ATAD2: variants seen among roughly 807,000 people sequenced by gnomAD.
ATAD2 encodes ATPase family AAA domain containing 2.
ATAD2 carries 62 observed loss-of-function variants against 168.9 expected under a neutral mutation model. That is an observed-to-expected ratio of 0.37 (90% CI 0.30 to 0.45). The LOEUF (loss-of-function observed/expected upper bound fraction) is 0.45, where lower values mean the gene tolerates loss of function less well. Among genes scored for constraint, ATAD2 ranks in the 20% least tolerant of loss-of-function variants. The probability of loss-of-function intolerance (pLI) is 1.00; values close to 1 mark genes in which losing one functional copy is unlikely to be tolerated. For missense variants in ATAD2, 1,419 were observed against 1,667.8 expected (o/e 0.85, Z 2.60); for synonymous variants, 613 against 571.6 (o/e 1.07, Z -1.03).
chr8:123,330,454 T>C (rs1330234992), intron 24 of ATAD2, among the ~76,000 whole-genome samples: 2 of 152,118 alleles, frequency 1.3e-5, no homozygotes, highest in Non-Finnish European at 2.9e-5. Flanking sequence ...AAGCTCCGCC[T>C]CCTGGTCTCA....
At chr8:123,393,549 G>C (rs553673231) in intron 1 of ATAD2, among the ~76,000 whole-genome samples, 1 of 151,800 alleles carries the variant, frequency 6.6e-6, no homozygotes, top group Non-Finnish European at 1.5e-5. Context: ...ACTGACTGTT[G>C]AGGGAAGGTG....
chr8:123,365,053 A>C (rs1828932604), intron 8 of ATAD2, among the ~76,000 whole-genome samples: 1 of 152,194 alleles, frequency 6.6e-6, no homozygotes, highest in Non-Finnish European at 1.5e-5. Context: ...AAACTCCTAG[A>C]ACTGACAAAA....
chr8:123,388,998 G>A (rs1033797088), intron 1 of ATAD2, among the ~76,000 whole-genome samples: 13 of 147,220 alleles, frequency 8.8e-5, no homozygotes, highest in Middle Eastern at 3.5e-3. Context: ...ACAGAGTCTC[G>A]CCCTGTCGCC....
intron 13 of ATAD2, 40 bp downstream of exon 13, chr8:123,356,349 A>T: frequency 6.6e-7 from 1 of 1,511,516 alleles, no homozygotes; most frequent in Non-Finnish European, 9.2e-7. Flanking sequence ...CCACTCAGGA[A>T]ATAGGAAGAA....
At chr8:123,341,474 C>CT (rs754272129) in intron 19 of ATAD2, among the ~76,000 whole-genome samples, 31 of 152,076 alleles carry the variant, frequency 2.0e-4, no homozygotes, top group Non-Finnish European at 3.7e-4. Context: ...GGCTAACAAT[C>CT]TTTTTTTTCC....
Position 123,371,029 on chromosome 8 carries a change from CTATT to C in ATAD2, c.640-43_640-40del, listed in dbSNP as rs750644095. 38 of 1,437,078 alleles carry C rather than the reference CTATT, an allele frequency of 2.6e-5. No individual in the cohort carries two copies. The Admixed American group carries it at 7.8e-4, about 29-fold the overall frequency. The allele number at this position is 1,437,078 out of a possible 1,614,324, so 89.0% of individuals were successfully genotyped here. A position where few individuals can be genotyped will look rare whatever the true frequency, so the allele number is the denominator to read the frequency against. On this transcript the variant is annotated intron_variant, in intron 5 of 27. Coordinates refer to ENST00000287394, the MANE Select transcript of ATAD2 (RefSeq NM_014109.4). ...AATAAAAGCCATTAACATTTGGAAT[CTATT>C]TATTAAAAAAATTAAGTTGGATCCT...
chr8:123,346,424 C>G (rs939403139), intron 17 of ATAD2, 152 bp from the exon 18 acceptor site: 4 of 1,007,334 alleles, frequency 4.0e-6, no homozygotes, highest in Non-Finnish European at 5.5e-6. Flanking sequence ...GAAACTGACC[C>G]CCAAAGGTTT....
At chr8:123,373,132 T>C (rs1341817593) in intron 2 of ATAD2, among the ~76,000 whole-genome samples, 1 of 151,592 alleles carries the variant, frequency 6.6e-6, no homozygotes, top group African/African-American at 2.4e-5. Flanking sequence ...GACCTCATGA[T>C]CTGCCCACCT....
chr8:123,372,353 A>G (rs187384574), intron 3 of ATAD2, among the ~76,000 whole-genome samples: 4 of 152,330 alleles, frequency 2.6e-5, no homozygotes, highest in East Asian at 1.9e-4. Context: ...CTATGTTCCA[A>G]TGAAATTATT....
chr8:123,379,347 A>G (rs1282652774), intron 2 of ATAD2, among the ~76,000 whole-genome samples: 1 of 152,188 alleles, frequency 6.6e-6, no homozygotes, highest in Non-Finnish European at 1.5e-5. Flanking sequence ...ACTTTATAGC[A>G]AGCAATCAGA....
Position 123,359,214 on chromosome 8 carries a change from A to T in ATAD2, c.1382+7T>A. Reference sequence around the variant, plus strand: ...TTCAGCTAAAATTAAAAATATAATTAAATTACCTTGGGGGTTGAATTTTAA... The same window carrying T: ...TTCAGCTAAAATTAAAAATATAATTTAATTACCTTGGGGGTTGAATTTTAA... On this transcript the variant is annotated splice_region_variant and intron_variant, in intron 11 of 27. Transcript: ENST00000287394. 6.5e-7 allele frequency: 1 copy of T among 1,538,686 alleles called. No homozygotes were observed. The highest frequency in any genetic ancestry group is 8.8e-7 in the Non-Finnish European group (1 of 1,130,008).
chr8:123,344,882 A>G lies in ATAD2; in HGVS notation c.2718+2T>C. 6.2e-7 allele frequency: 1 copy of G among 1,613,650 alleles called. No homozygotes were observed. Among genetic ancestry groups the G allele is most frequent in the Non-Finnish European group, 8.5e-7 (1 of 1,179,548 alleles). ...ATAATGATACCGCCCCACATAAATT[A>G]CCTCTTCTGGCAAAGCGGAATGGGG... On this transcript the variant is annotated splice_donor_variant, in intron 19 of 27. Coordinates refer to ENST00000287394, the MANE Select transcript of ATAD2 (RefSeq NM_014109.4). LOFTEE classifies it high-confidence loss of function.
rs1554641633 is a variant in ATAD2, at chr8:123,329,775, A to AAAT, written c.3479-1197_3479-1196insATT. Among the ~76,000 whole-genome samples the AAAT allele has an allele frequency of 1.4e-4, 18 of 129,538 alleles. 3 individuals carry two copies. The highest frequency in any genetic ancestry group is 4.8e-4 in the African/African-American group (16 of 33,198). The allele number at this position is 129,538 out of a possible 152,430, so 85.0% of individuals were successfully genotyped here. On this transcript the variant is annotated intron_variant, in intron 24 of 27. Transcript: ENST00000287394. ...AAAAAAAAAAAAAAAAAAAAAAAAA[A>AAAT]TTTTTCACTTTAACCCAATGAAGTT...
chr8:123,358,274 G>C (rs1828708217), intron 11 of ATAD2, among the ~76,000 whole-genome samples: 1 of 152,128 alleles, frequency 6.6e-6, no homozygotes, highest in Non-Finnish European at 1.5e-5. Context: ...TCAAATTCCT[G>C]AGCTAAAGCA....
chr8:123,350,723 C>CT (rs1028799025), intron 13 of ATAD2, among the ~76,000 whole-genome samples: 15 of 150,498 alleles, frequency 1.0e-4, no homozygotes, highest in South Asian at 4.2e-4. Context: ...GATCTAGAAG[C>CT]TTTTTTTTTC....
intron 13 of ATAD2, among the ~76,000 whole-genome samples, chr8:123,351,111 C>T (rs1208177384): frequency 6.6e-6 from 1 of 152,086 alleles, no homozygotes; most frequent in Non-Finnish European, 1.5e-5. Context: ...CACGTAATTC[C>T]TATTATATCC....
rs771683089 is a variant in ATAD2 at position 123,349,480 on chromosome 8, T to C, written c.1647-36A>G. ...AAAATAAGAGAGAAGAGATTAATAC[T>C]ATGAACACAGTCTATATCATTCAGT... On this transcript the variant is annotated intron_variant, in intron 13 of 27. Transcript: ENST00000287394. 7 of 1,557,354 alleles carry C rather than the reference T, an allele frequency of 4.5e-6. No individual in the cohort carries two copies. In the East Asian group the frequency reaches 1.1e-4, roughly 25 times the overall value.
chr8:123,389,960 T>TTTTATATA lies in ATAD2; in HGVS notation c.171+6226_171+6227insTATATAAA, dbSNP rs1392406832. ...ATAAGTGGTAGCTATTACTATTATT[T>TTTTATATA]TATATATATATATATATATATATAT... On this transcript the variant is annotated intron_variant, in intron 1 of 27. Coordinates refer to ENST00000287394, the MANE Select transcript of ATAD2 (RefSeq NM_014109.4). Among the ~76,000 whole-genome samples, 6 of 94,050 alleles carry TTTTATATA rather than the reference T, an allele frequency of 6.4e-5. No homozygotes were observed. The East Asian group carries it at 1.2e-3, about 19-fold the overall frequency. The allele number at this position is 94,050 out of a possible 152,430, so 61.7% of individuals were successfully genotyped here. A position where few individuals can be genotyped will look rare whatever the true frequency, so the allele number is the denominator to read the frequency against.
chr8:123,331,678 C>T (rs1355389553), intron 24 of ATAD2, among the ~76,000 whole-genome samples: 1 of 152,200 alleles, frequency 6.6e-6, no homozygotes, highest in Non-Finnish European at 1.5e-5. Flanking sequence ...ACTTTCTCTG[C>T]TTCTTGGGAG....
Sources: allele counts gnomAD v4.1 joint callset (sites outside exome capture counted in the v4.1 genomes callset), GRCh38; gene constraint gnomAD v4.1.1; transcripts MANE v1.5; gene names NCBI Gene and HGNC (gene_info 2026-07-23, HGNC 2026-07-21).